The following CDH23 variants were observed in gnomAD, a reference collection of about 807,000 sequenced individuals.
CDH23 encodes the protein cadherin-23.
Under a neutral mutation model 317.1 loss-of-function variants are expected in CDH23, and 189 were observed. The ratio of observed to expected loss-of-function variants is 0.60; its 90% CI spans 0.53 to 0.67. The LOEUF is 0.67. CDH23 is among the 30% of genes least tolerant of loss of function. CDH23 has a pLI of 0.00. For synonymous variants in CDH23, 1,839 were observed against 1,876.8 expected (o/e 0.98, Z 0.52); for missense variants, 4,401 against 4,592.4 (o/e 0.96, Z 1.20).
chr10:71,617,737 A>G (rs994538803), intron 11 of CDH23: 1 of 192,524 alleles, frequency 5.2e-6, no homozygotes, highest in African/African-American at 2.4e-5. Flanking sequence ...GCAGTGGCTC[A>G]CATCTGTAAT....
chr10:71,442,968 G>T (rs1235713736), intron 2 of CDH23, among the ~76,000 whole-genome samples: 3 of 152,224 alleles, frequency 2.0e-5, no homozygotes, highest in Non-Finnish European at 4.4e-5. Context: ...GGGCGAGGCA[G>T]AGGGAGAGGG....
intron 6 of CDH23, among the ~76,000 whole-genome samples, chr10:71,541,334 G>T (rs1276231681): frequency 6.6e-6 from 1 of 152,192 alleles, no homozygotes; most frequent in Non-Finnish European, 1.5e-5. Flanking sequence ...ACGGTCACCT[G>T]CCTATTGACA....
At chr10:71,588,258 T>C (rs1366103297) in intron 9 of CDH23, among the ~76,000 whole-genome samples, 2 of 152,192 alleles carry the variant, frequency 1.3e-5, no homozygotes, top group Non-Finnish European at 2.9e-5. Flanking sequence ...ATTTATTATG[T>C]GCCTGCCACG....
Position 71,812,050 on chromosome 10 carries a change from G to A in CDH23, c.9380+35G>A, listed in dbSNP as rs777601608. 41 of 1,613,800 alleles carry A rather than the reference G, an allele frequency of 2.5e-5. No individual in the cohort carries two copies. The Admixed American group carries it at 4.5e-4, about 18-fold the overall frequency. On this transcript the variant is annotated intron_variant, in intron 66 of 69. Transcript: ENST00000224721. Reference sequence around the variant, plus strand: ...GTACTGGCCCTGCCCGGTCCCCTGCGGGGAGTCCTGCCAGGACCCAGCTGG... The same window carrying A: ...GTACTGGCCCTGCCCGGTCCCCTGCAGGGAGTCCTGCCAGGACCCAGCTGG...
rs750701335 is a variant in CDH23, at chr10:71,803,329, C to A, written c.7781C>A (p.Thr2594Asn). ...TDGGEPPLWGTTMLLVEVIDV... is the reference protein window; with the variant it reads ...TDGGEPPLWGNTMLLVEVIDV... ...GGTGGAGAGCCCCCACTCTGGGGCACCACCATGCTCCTGGTGGAGGTCATC... is the reference window on the plus strand; with the variant it reads ...GGTGGAGAGCCCCCACTCTGGGGCAACACCATGCTCCTGGTGGAGGTCATC... The change falls in exon 55 of 70, where the codon ACC (threonine) becomes AAC (asparagine). Residue 2594 changes from threonine to asparagine, a missense_variant. This residue lies in a region of CDH23 where 1,144 missense variants were observed against 1,138.2 expected (regional missense o/e 1.01). Coordinates refer to ENST00000224721, the MANE Select transcript of CDH23 (RefSeq NM_022124.6). 6.3e-7 allele frequency: 1 copy of A among 1,595,180 alleles called. No individual in the cohort carries two copies. The highest frequency in any genetic ancestry group is 1.7e-5 in the Admixed American group (1 of 57,716).
At chr10:71,551,458 AG>A (rs1287363117) in intron 6 of CDH23, among the ~76,000 whole-genome samples, 7 of 152,114 alleles carry the variant, frequency 4.6e-5, no homozygotes, top group African/African-American at 1.2e-4. Context: ...TCATTCCAGA[AG>A]GGGCTTGGAA....
rs1270818102 is a variant in CDH23, at chr10:71,682,384, T to A, written c.1859-61T>A. 3 of 1,588,798 alleles carry A rather than the reference T, an allele frequency of 1.9e-6. No homozygotes were observed. In the Admixed American group the frequency reaches 5.3e-5, roughly 28 times the overall value. ...AACTTCTCTGCCCAAAGGGGACCCC[T>A]GTCTGGACGGGCATCTCAAGTCTGC... On this transcript the variant is annotated intron_variant, in intron 17 of 69. Transcript: ENST00000224721.
chr10:71,514,242 A>C (rs1400807514), intron 6 of CDH23, among the ~76,000 whole-genome samples: 3 of 152,196 alleles, frequency 2.0e-5, no homozygotes, highest in African/African-American at 7.2e-5. Context: ...TAGAAAGCAT[A>C]TTCCCAACCT....
intron 6 of CDH23, among the ~76,000 whole-genome samples, chr10:71,553,972 G>A (rs1019926038): frequency 2.6e-4 from 39 of 152,252 alleles, no homozygotes; most frequent in African/African-American, 8.4e-4. Flanking sequence ...TCCCCTTCCA[G>A]ACCTTCCCAC....
chr10:71,679,578 G>T, intron 17 of CDH23, 86 bp downstream of exon 17: 1 of 1,072,066 alleles, frequency 9.3e-7, no homozygotes, highest in South Asian at 1.4e-5. Context: ...GGGATGAGGC[G>T]GGCACTCCTT....
chr10:71,635,516 G>C (rs911518486), intron 11 of CDH23, among the ~76,000 whole-genome samples: 3 of 152,182 alleles, frequency 2.0e-5, no homozygotes, highest in Non-Finnish European at 2.9e-5. Flanking sequence ...AGCTGAAGGC[G>C]AGGCAGCCTC....
Position 71,773,072 on chromosome 10 carries a change from TCTGGGCAGGGAAGGG to T in CDH23, c.4846-4603_4846-4589del, listed in dbSNP as rs111340797. ...CAGAAGCTACCTGTGCCCTGGGTTC[TCTGGGCAGGGAAGGG>T]CTGGACAGGCAGCCCTCAGGGGACA... On this transcript the variant is annotated intron_variant, in intron 38 of 69. Transcript: ENST00000224721. 5.0e-3 allele frequency among the ~76,000 whole-genome samples: 769 copies of T among 152,324 alleles called. 9 individuals carry two copies. Among genetic ancestry groups the T allele is most frequent in the African/African-American group, 0.018 (728 of 41,562 alleles).
intron 6 of CDH23, among the ~76,000 whole-genome samples, chr10:71,565,851 T>C (rs1031521206): frequency 6.6e-6 from 1 of 152,198 alleles, no homozygotes; most frequent in African/African-American, 2.4e-5. Context: ...GGTCTGTCCA[T>C]CCCTGAAACT....
At position 71,409,062 on chromosome 10, in the gene CDH23, G is replaced by T. The variant is rs138165371; in HGVS notation, c.-6+11744G>T. Among the ~76,000 whole-genome samples the T allele has an allele frequency of 7.3e-3, 1,112 of 152,300 alleles. 5 individuals are homozygous for T. Among genetic ancestry groups the T allele is most frequent in the Non-Finnish European group, 0.011 (747 of 68,028 alleles). On this transcript the variant is annotated intron_variant, in intron 1 of 69. Coordinates refer to ENST00000224721, the MANE Select transcript of CDH23 (RefSeq NM_022124.6). Reference sequence around the variant, plus strand: ...GTTTGTTTGCTGAACTGGATATCAGGCCTGCCCCTAGTCTCTGGAACAGAC... The same window carrying T: ...GTTTGTTTGCTGAACTGGATATCAGTCCTGCCCCTAGTCTCTGGAACAGAC...
rs550493851 is a variant in CDH23 at position 71,492,833 on chromosome 10, G to A, written c.146-17249G>A. 4.6e-5 allele frequency among the ~76,000 whole-genome samples: 7 copies of A among 152,318 alleles called. No homozygotes were observed. In the South Asian group the frequency reaches 6.2e-4, roughly 14 times the overall value. ...GGGTGTGCTGCGCTTGGAGTCTGCC[G>A]TGGGGGGCTCGTGGCCTCTTCCAGA... is the stretch of plus-strand genomic sequence containing the variant. On this transcript the variant is annotated intron_variant, in intron 3 of 69. Coordinates refer to ENST00000224721, the MANE Select transcript of CDH23 (RefSeq NM_022124.6).
chr10:71,559,974 C>T (rs1857048454), intron 6 of CDH23, among the ~76,000 whole-genome samples: 1 of 152,208 alleles, frequency 6.6e-6, no homozygotes, highest in African/African-American at 2.4e-5. Flanking sequence ...TGGGCATTCG[C>T]CCCTCCTGCT....
At chr10:71,441,767 G>A (rs1246917667) in intron 2 of CDH23, among the ~76,000 whole-genome samples, 1 of 151,968 alleles carries the variant, frequency 6.6e-6, no homozygotes, top group Non-Finnish European at 1.5e-5. Flanking sequence ...AGAAATAAAG[G>A]AGGTGCTAAG....
At chr10:71,609,723 T>C (rs1860745128) in intron 9 of CDH23, among the ~76,000 whole-genome samples, 1 of 152,200 alleles carries the variant, frequency 6.6e-6, no homozygotes, top group African/African-American at 2.4e-5. Flanking sequence ...ACATGTGCCA[T>C]AAACAGCAGC....
intron 29 of CDH23, among the ~76,000 whole-genome samples, chr10:71,725,083 G>A (rs1284256796): frequency 6.6e-6 from 1 of 152,228 alleles, no homozygotes; most frequent in Non-Finnish European, 1.5e-5. Context: ...AGGGGGACCA[G>A]CAGGAGCCCC....
Sources: allele counts gnomAD v4.1 joint callset (sites outside exome capture counted in the v4.1 genomes callset), GRCh38; gene constraint gnomAD v4.1.1; regional missense constraint gnomAD v4.1.1; transcripts MANE v1.5; gene names NCBI Gene and HGNC (gene_info 2026-07-23, HGNC 2026-07-21).